PPP3CC: variants seen among roughly 807,000 people sequenced by gnomAD.
PPP3CC encodes serine/threonine-protein phosphatase 2B catalytic subunit gamma isoform.
A neutral mutation model predicts 60.3 loss-of-function variants in PPP3CC; 35 were observed. The ratio of observed to expected loss-of-function variants is 0.58; its 90% confidence interval spans 0.44 to 0.77. The LOEUF (loss-of-function observed/expected upper bound fraction) is 0.77, where lower values mean the gene tolerates loss of function less well. Among genes scored for constraint, PPP3CC ranks in the 30% least tolerant of loss-of-function variants. The pLI is 0.00. For synonymous variants in PPP3CC, 206 were observed against 224.3 expected, an observed-to-expected ratio of 0.92 and a Z score of 0.73; for missense variants, 570 against 628.9, an observed-to-expected ratio of 0.91 and a Z score of 1.00.
At chr8:22,495,716 G>C (rs1838556773) in intron 3 of PPP3CC, among the ~76,000 whole-genome samples, 1 of 151,988 alleles carries the variant, frequency 6.6e-6, no homozygotes, top group Non-Finnish European at 1.5e-5. Context: ...CTGCCACCAG[G>C]CCTAGCAAAT....
intron 1 of PPP3CC, among the ~76,000 whole-genome samples, chr8:22,457,152 G>A (rs913644495): frequency 5.5e-5 from 8 of 146,698 alleles, no homozygotes; most frequent in African/African-American, 1.0e-4. Context: ...GAAATATTTC[G>A]TTAAAAATAT....
intron 1 of PPP3CC, among the ~76,000 whole-genome samples, chr8:22,446,077 T>G (rs755248385): frequency 6.6e-6 from 1 of 152,242 alleles, no homozygotes; most frequent in Non-Finnish European, 1.5e-5. Context: ...AAAATAGGAT[T>G]AAAAATTTTT....
chr8:22,537,132 GAA>G (rs1839861238), intron 12 of PPP3CC, among the ~76,000 whole-genome samples: 1 of 152,134 alleles, frequency 6.6e-6, no homozygotes, highest in African/African-American at 2.4e-5. Flanking sequence ...TCAAGAAAAT[GAA>G]AAGACATCCC....
intron 3 of PPP3CC, among the ~76,000 whole-genome samples, chr8:22,487,064 T>C (rs996468475): frequency 1.3e-5 from 2 of 152,162 alleles, no homozygotes; most frequent in African/African-American, 2.4e-5. Context: ...TTAAATATCT[T>C]ACACAACAGC....
At chr8:22,490,699 G>A (rs1039594946) in intron 3 of PPP3CC, among the ~76,000 whole-genome samples, 6 of 148,696 alleles carry the variant, frequency 4.0e-5, no homozygotes, top group South Asian at 2.1e-4. Context: ...GAGAACATGC[G>A]GTGGTTGGTT....
At chr8:22,505,702 C>T (rs556061212) in intron 4 of PPP3CC, among the ~76,000 whole-genome samples, 4 of 152,104 alleles carry the variant, frequency 2.6e-5, no homozygotes, top group South Asian at 2.1e-4. Flanking sequence ...ACATAGGAGC[C>T]GCTATAAGGA....
intron 10 of PPP3CC, among the ~76,000 whole-genome samples, chr8:22,531,590 G>A (rs1022732924): frequency 6.6e-5 from 10 of 152,184 alleles, no homozygotes; most frequent in Non-Finnish European, 1.3e-4. Context: ...GGCTTCTCAT[G>A]TGTGGGCTAT....
rs1491212511 is a variant in PPP3CC at position 22,521,973 on chromosome 8, AAC to A, written c.771-516_771-515del. On this transcript the variant is annotated intron_variant, in intron 6 of 13. Coordinates refer to ENST00000240139, the MANE Select transcript of PPP3CC (RefSeq NM_005605.5). ...AGCAAGACTCCGTCTCAAAAAAAAA[AAC>A]AAACCTATATATATACATATATATG... Among the ~76,000 whole-genome samples, 527 of 134,710 alleles carry A rather than the reference AAC, an allele frequency of 3.9e-3. 4 individuals are homozygous for A. The highest frequency in any genetic ancestry group is 0.012 in the African/African-American group (445 of 37,122). 88.4% of individuals were successfully genotyped at this position (134,710 alleles called of 152,430 possible).
chr8:22,540,623 G>A lies in PPP3CC; in HGVS notation c.1360G>A (p.Gly454Arg). 1 of 1,612,820 alleles carries A rather than the reference G, an allele frequency of 6.2e-7. No individual in the cohort carries two copies. ...EAVEAREAIR[G>R]FSLQHKIRSF... ...TTCCTGTTTTTCTGTAGCCATCAGA[G>A]GGTTCTCGCTTCAGCACAAGATCCG... Residue 454 changes from glycine (G) to arginine (R), a missense_variant, in exon 14 of 14, where the codon GGG (glycine) becomes AGG (arginine). Transcript: ENST00000240139.
intron 4 of PPP3CC, among the ~76,000 whole-genome samples, chr8:22,502,867 TTTTTTGTTTTG>T (rs879349688): frequency 9.5e-4 from 145 of 152,152 alleles, no homozygotes; most frequent in African/African-American, 2.4e-3. Context: ...CTTAGAGGGT[TTTTTTGTTTTG>T]TTTTTGTTTT....
chr8:22,527,372 C>G lies in PPP3CC; in HGVS notation c.944-20C>G, dbSNP rs1839584911. On this transcript the variant is annotated intron_variant, in intron 8 of 13. Transcript: ENST00000240139. Reference sequence around the variant, plus strand: ...GCCATGTTCCTCTGTGCCAGATTTTCTTGCTTTTTTCCTTTTTAGCTGCTG... The same window carrying G: ...GCCATGTTCCTCTGTGCCAGATTTTGTTGCTTTTTTCCTTTTTAGCTGCTG... 6.2e-7 allele frequency: 1 copy of G among 1,612,788 alleles called. No homozygotes were observed. The highest frequency in any genetic ancestry group is 1.3e-5 in the African/African-American group (1 of 74,972).
At chr8:22,480,921 C>A (rs1838044093) in intron 3 of PPP3CC, among the ~76,000 whole-genome samples, 1 of 152,092 alleles carries the variant, frequency 6.6e-6, no homozygotes, top group African/African-American at 2.4e-5. Flanking sequence ...GACCTTGTTT[C>A]TATAAAAATA....
At chr8:22,482,076 T>C (rs1004289511) in intron 3 of PPP3CC, among the ~76,000 whole-genome samples, 2 of 152,172 alleles carry the variant, frequency 1.3e-5, no homozygotes, top group African/African-American at 4.8e-5. Context: ...GGTCAGATGG[T>C]ATTTCTGGTT....
chr8:22,509,798 C>G (rs1839029313), intron 4 of PPP3CC, among the ~76,000 whole-genome samples: 1 of 152,210 alleles, frequency 6.6e-6, no homozygotes, highest in South Asian at 2.1e-4. Context: ...AACTCCTGGG[C>G]TCAATCTATC....
chr8:22,461,515 A>AT, intron 1 of PPP3CC, among the ~76,000 whole-genome samples: 1 of 152,216 alleles, frequency 6.6e-6, no homozygotes, highest in Non-Finnish European at 1.5e-5. Context: ...GTAGAATAAC[A>AT]TGGCATAACA....
chr8:22,487,421 C>T (rs1838257059), intron 3 of PPP3CC, among the ~76,000 whole-genome samples: 1 of 151,976 alleles, frequency 6.6e-6, no homozygotes, highest in African/African-American at 2.4e-5. Context: ...GTCAGGAGTT[C>T]GAGACCAGCC....
chr8:22,445,334 C>T (rs1836790317), intron 1 of PPP3CC, among the ~76,000 whole-genome samples: 1 of 152,258 alleles, frequency 6.6e-6, no homozygotes, highest in East Asian at 1.9e-4. Context: ...CCCCGACTCT[C>T]CCTTTTTTAT....
At chr8:22,498,197 A>G (rs1838646724) in intron 4 of PPP3CC, 85 bp downstream of exon 4, 1 of 807,012 alleles carries the variant, frequency 1.2e-6, no homozygotes, top group East Asian at 2.8e-5. Context: ...AAAGAAACTA[A>G]TAGAATTTAA....
At chr8:22,451,128 C>CGTGTCCG (rs1837009112) in intron 1 of PPP3CC, among the ~76,000 whole-genome samples, 1 of 130,698 alleles carries the variant, frequency 7.7e-6, no homozygotes, top group Admixed American at 7.7e-5. Context: ...CGTGAGCCAC[C>CGTGTCCG]GCACCCGGCC....
Sources: allele counts gnomAD v4.1 joint callset (sites outside exome capture counted in the v4.1 genomes callset), GRCh38; gene constraint gnomAD v4.1.1; transcripts MANE v1.5; gene names NCBI Gene and HGNC (gene_info 2026-07-23, HGNC 2026-07-21).